Variants in GRB14 observed in about 807,000 individuals in gnomAD.
GRB14 encodes growth factor receptor bound protein 14, also known as growth factor receptor-bound protein 14.
In GRB14, 38 loss-of-function variants were observed where a neutral mutation model predicts 69.1. That is an observed-to-expected ratio of 0.55 (90% CI 0.42 to 0.72). The LOEUF (loss-of-function observed/expected upper bound fraction) is 0.72, where lower values mean the gene tolerates loss of function less well. Ranked by LOEUF, GRB14 falls within the 30% of genes least tolerant of loss-of-function variation. The probability of loss-of-function intolerance (pLI) is 0.00; values close to 1 mark genes in which losing one functional copy is unlikely to be tolerated. For synonymous variants in GRB14, 247 were observed against 241.3 expected (o/e 1.02, Z -0.22); for missense variants, 666 against 666.1 (o/e 1.00, Z 0.00).
chr2:164,500,477 G>A (rs996482978), intron 9 of GRB14, among the ~76,000 whole-genome samples: 3 of 151,996 alleles, frequency 2.0e-5, no homozygotes, highest in Non-Finnish European at 4.4e-5. Context: ...AATAGTCCCC[G>A]GATGAAAAGC....
chr2:164,578,642 C>A (rs143630777), intron 2 of GRB14, among the ~76,000 whole-genome samples: 2 of 151,730 alleles, frequency 1.3e-5, no homozygotes, highest in Non-Finnish European at 2.9e-5. Flanking sequence ...ATGAGTTGGA[C>A]AAAAATGTAA....
At chr2:164,505,629 A>T (rs1297391799) in intron 8 of GRB14, among the ~76,000 whole-genome samples, 1 of 152,142 alleles carries the variant, frequency 6.6e-6, no homozygotes, top group African/African-American at 2.4e-5. Flanking sequence ...CTACTTATAT[A>T]TTTTATTTTA....
intron 2 of GRB14, among the ~76,000 whole-genome samples, chr2:164,614,917 G>A (rs960288100): frequency 1.3e-5 from 2 of 152,102 alleles, no homozygotes; most frequent in South Asian, 2.1e-4. Flanking sequence ...TTGAAAGTCC[G>A]TGACATGGTA....
intron 12 of GRB14, among the ~76,000 whole-genome samples, chr2:164,495,837 A>G (rs1311519599): frequency 1.3e-5 from 2 of 152,214 alleles, no homozygotes; most frequent in African/African-American, 4.8e-5. Flanking sequence ...TGGCACCATC[A>G]CATCTCTCCA....
chr2:164,595,886 G>A (rs1689768125), intron 2 of GRB14, among the ~76,000 whole-genome samples: 1 of 152,120 alleles, frequency 6.6e-6, no homozygotes, highest in South Asian at 2.1e-4. Flanking sequence ...AGCACTTTGG[G>A]AGGCCAAGGC....
At chr2:164,553,795 T>C (rs554209834) in intron 2 of GRB14, among the ~76,000 whole-genome samples, 158 of 152,152 alleles carry the variant, frequency 1.0e-3, no homozygotes, top group African/African-American at 3.7e-3. Context: ...AGAAACCCCA[T>C]CTCTACTAAA....
intron 2 of GRB14, among the ~76,000 whole-genome samples, chr2:164,607,644 A>G (rs1690071990): frequency 6.6e-6 from 1 of 152,206 alleles, no homozygotes; most frequent in Non-Finnish European, 1.5e-5. Context: ...TGAAAATGAC[A>G]AATTAGAAAC....
At chr2:164,586,054 T>TG (rs1467683339) in intron 2 of GRB14, among the ~76,000 whole-genome samples, 1 of 152,198 alleles carries the variant, frequency 6.6e-6, no homozygotes, top group African/African-American at 2.4e-5. Context: ...ACATGTGCTT[T>TG]GGGGCATACA....
intron 2 of GRB14, among the ~76,000 whole-genome samples, chr2:164,600,699 A>G (rs1437243099): frequency 6.6e-6 from 1 of 152,222 alleles, no homozygotes; most frequent in Non-Finnish European, 1.5e-5. Context: ...AAAGCATTAC[A>G]TGTAAAACAA....
chr2:164,558,749 T>C (rs1688746936), intron 2 of GRB14, among the ~76,000 whole-genome samples: 1 of 152,160 alleles, frequency 6.6e-6, no homozygotes, highest in Non-Finnish European at 1.5e-5. Flanking sequence ...CCATAAGACA[T>C]GTCTAAGTGA....
intron 6 of GRB14, among the ~76,000 whole-genome samples, chr2:164,516,036 G>A (rs775807732): frequency 7.3e-5 from 11 of 151,592 alleles, no homozygotes; most frequent in Admixed American, 1.3e-4. Context: ...TAATTTAAAA[G>A]ATGAACAAAG....
At chr2:164,608,302 G>T (rs1445871951) in intron 2 of GRB14, among the ~76,000 whole-genome samples, 1 of 151,952 alleles carries the variant, frequency 6.6e-6, no homozygotes, top group Non-Finnish European at 1.5e-5. Context: ...AACCCAGGAG[G>T]TGGAGGTCGT....
intron 2 of GRB14, among the ~76,000 whole-genome samples, chr2:164,548,571 T>C (rs187265747): frequency 1.3e-5 from 2 of 152,176 alleles, no homozygotes; most frequent in Non-Finnish European, 2.9e-5. Context: ...TGGGTATATA[T>C]CCAAGAGAGG....
At chr2:164,577,960 C>T (rs888476802) in intron 2 of GRB14, among the ~76,000 whole-genome samples, 9 of 152,144 alleles carry the variant, frequency 5.9e-5, no homozygotes, top group Non-Finnish European at 7.3e-5. Flanking sequence ...AATGGCCGGG[C>T]GTGGTGGCTC....
chr2:164,616,833 A>G (rs955270632), intron 2 of GRB14, among the ~76,000 whole-genome samples: 1 of 152,240 alleles, frequency 6.6e-6, no homozygotes, highest in Non-Finnish European at 1.5e-5. Context: ...ATATAAAGTA[A>G]AGAGACATCT....
At chr2:164,580,021 T>C (rs1358646413) in intron 2 of GRB14, among the ~76,000 whole-genome samples, 1 of 152,228 alleles carries the variant, frequency 6.6e-6, no homozygotes, top group South Asian at 2.1e-4. Flanking sequence ...TACACAAATA[T>C]CTGGAAAAAC....
chr2:164,580,435 T>C (rs1043138285), intron 2 of GRB14, among the ~76,000 whole-genome samples: 3 of 146,676 alleles, frequency 2.0e-5, no homozygotes, highest in African/African-American at 7.4e-5. Flanking sequence ...CTGGGCGCGG[T>C]GGCTCATGCC....
At position 164,527,259 on chromosome 2, in the gene GRB14, G is replaced by A. The variant is rs573130448; in HGVS notation, c.482-124C>T. The stretch of plus-strand genomic sequence containing the variant: ...CATACAAACATATAAAATGTATTAC[G>A]CATCTTTGTTAAACATAGCAGATTT... On this transcript the variant is annotated intron_variant, in intron 3 of 13. Coordinates refer to ENST00000263915, the MANE Select transcript of GRB14 (RefSeq NM_004490.3). 18 of 226,564 alleles carry A rather than the reference G, an allele frequency of 7.9e-5. No homozygotes were observed. In the East Asian group the frequency reaches 1.1e-3, roughly 14 times the overall value. 14.0% of individuals were successfully genotyped at this position (226,564 alleles called of 1,614,324 possible).
At chr2:164,616,586 C>T (rs1293636094) in intron 2 of GRB14, among the ~76,000 whole-genome samples, 10 of 152,112 alleles carry the variant, frequency 6.6e-5, no homozygotes, top group Admixed American at 6.6e-4. Context: ...ATGCACTTTA[C>T]CACTCATGCA....
Sources: allele counts gnomAD v4.1 joint callset (sites outside exome capture counted in the v4.1 genomes callset), GRCh38; gene constraint gnomAD v4.1.1; transcripts MANE v1.5; gene names NCBI Gene and HGNC (gene_info 2026-07-23, HGNC 2026-07-21).